SAMD5: variants seen among roughly 807,000 people sequenced by gnomAD.
The protein encoded by SAMD5 is sterile alpha motif domain-containing protein 5.
Under a neutral mutation model 11.3 loss-of-function variants are expected in SAMD5, and 13 were observed. The ratio of observed to expected loss-of-function variants is 1.15; its 90% CI spans 0.75 to 1.83. The LOEUF (loss-of-function observed/expected upper bound fraction) is 1.83. SAMD5 is among the 40% of genes most tolerant of loss of function. SAMD5 has a pLI of 0.00. For synonymous variants in SAMD5, 129 were observed against 111.3 expected, an observed-to-expected ratio of 1.16 and a Z score of -1.00; for missense variants, 255 against 239.1, an observed-to-expected ratio of 1.07 and a Z score of -0.44.
downstream of SAMD5, among the ~76,000 whole-genome samples, chr6:147,739,038 T>G (rs1484882284): frequency 6.6e-6 from 1 of 152,178 alleles, no homozygotes; most frequent in Admixed American, 6.5e-5. Flanking sequence ...GGTGGTTTCA[T>G]CAGTGGTTTC....
chr6:147,644,387 T>C (rs1290452833), intron 1 of SAMD5, among the ~76,000 whole-genome samples: 1 of 152,222 alleles, frequency 6.6e-6, no homozygotes, highest in Non-Finnish European at 1.5e-5. Context: ...TCACATTCTT[T>C]GGAAAATATT....
At chr6:147,629,518 G>C (rs185350217) in intron 1 of SAMD5, among the ~76,000 whole-genome samples, 10 of 152,204 alleles carry the variant, frequency 6.6e-5, no homozygotes, top group Non-Finnish European at 1.3e-4. Flanking sequence ...TTCAGCAACA[G>C]GTATGAGAAA....
At chr6:147,768,637 C>T in the SAMD5 span, among the ~76,000 whole-genome samples, 41 of 152,206 alleles carry the variant, frequency 2.7e-4, no homozygotes, top group East Asian at 7.3e-3. Context: ...AATACTTATA[C>T]CTATTTTATT....
At chr6:147,570,899 C>T (rs1228548168), downstream of SAMD5, among the ~76,000 whole-genome samples, 5 of 152,160 alleles carry the variant, frequency 3.3e-5, no homozygotes, top group South Asian at 2.1e-4. Flanking sequence ...TGGTGGCAGA[C>T]GATTGGCGTT....
At chr6:147,724,363 A>G (rs1791596849) in intron 1 of SAMD5, among the ~76,000 whole-genome samples, 1 of 152,140 alleles carries the variant, frequency 6.6e-6, no homozygotes, top group Non-Finnish European at 1.5e-5. Context: ...ATGGCAGCAA[A>G]TTTTAAGCTT....
the SAMD5 span, among the ~76,000 whole-genome samples, chr6:147,825,061 G>A: frequency 2.6e-5 from 4 of 152,292 alleles, no homozygotes; most frequent in African/African-American, 9.6e-5. Flanking sequence ...TTGGGAGGCC[G>A]AGGTAGGGGG....
chr6:147,704,722 G>C (rs1791301356), intron 1 of SAMD5, among the ~76,000 whole-genome samples: 1 of 152,178 alleles, frequency 6.6e-6, no homozygotes, highest in South Asian at 2.1e-4. Context: ...CTTTCAAAGG[G>C]TAGCTAACAA....
At chr6:147,739,787 T>C (rs1791852925), downstream of SAMD5, among the ~76,000 whole-genome samples, 1 of 152,130 alleles carries the variant, frequency 6.6e-6, no homozygotes, top group Non-Finnish European at 1.5e-5. Flanking sequence ...AAATTATTTA[T>C]ACTTGTTAAT....
downstream of SAMD5, among the ~76,000 whole-genome samples, chr6:147,739,412 T>C (rs7771704): frequency 1.3e-5 from 2 of 152,038 alleles, no homozygotes; most frequent in Admixed American, 6.5e-5. Flanking sequence ...CCGGGCAACA[T>C]AGTGAGACTT....
intron 1 of SAMD5, among the ~76,000 whole-genome samples, chr6:147,622,988 A>T (rs1395388853): frequency 1.3e-5 from 2 of 152,274 alleles, no homozygotes; most frequent in Middle Eastern, 3.4e-3. Context: ...TGGGGGAAAC[A>T]GCCCTCATGA....
chr6:147,632,393 A>T (rs10872601), intron 1 of SAMD5, among the ~76,000 whole-genome samples: 2 of 152,060 alleles, frequency 1.3e-5, no homozygotes, highest in Non-Finnish European at 2.9e-5. Flanking sequence ...CTTTTGCAAG[A>T]GTGAGGGCTC....
the SAMD5 span, among the ~76,000 whole-genome samples, chr6:147,763,305 ATG>A: frequency 8.6e-5 from 13 of 151,000 alleles, no homozygotes; most frequent in African/African-American, 3.2e-4. Flanking sequence ...GACTACAGGC[ATG>A]CGCCACCATG....
chr6:147,917,624 A>T, the SAMD5 span, among the ~76,000 whole-genome samples: 5 of 151,854 alleles, frequency 3.3e-5, no homozygotes, highest in South Asian at 2.1e-4. Context: ...AGACATGAAG[A>T]CCTTGCCCAT....
chr6:147,804,670 G>A, the SAMD5 span, among the ~76,000 whole-genome samples: 1 of 152,050 alleles, frequency 6.6e-6, no homozygotes, highest in Admixed American at 6.6e-5. Context: ...AAATCAAAAA[G>A]CGGAAAAAAA....
At chr6:147,670,868 C>T (rs1345189639) in intron 1 of SAMD5, among the ~76,000 whole-genome samples, 1 of 152,198 alleles carries the variant, frequency 6.6e-6, no homozygotes, top group Non-Finnish European at 1.5e-5. Context: ...TTTACATTTC[C>T]TTTAAAAACT....
At chr6:147,952,376 T>TA in the SAMD5 span, among the ~76,000 whole-genome samples, 3 of 152,232 alleles carry the variant, frequency 2.0e-5, no homozygotes, top group Non-Finnish European at 4.4e-5. Context: ...CGTGATATAT[T>TA]AATGGTGATG....
chr6:147,584,730 A>T lies in SAMD5; in HGVS notation c.162+75343A>T, dbSNP rs535933790. Among the ~76,000 whole-genome samples the T allele has an allele frequency of 2.0e-5, 3 of 152,362 alleles. No individual in the cohort carries two copies. The South Asian group carries it at 6.2e-4, about 32-fold the overall frequency. On this transcript the variant is annotated intron_variant, in intron 1 of 1. Transcript: ENST00000566741. The stretch of plus-strand genomic sequence containing the variant: ...AGTGTAATATGCCTTCTTAGAATAA[A>T]TAAATGAGGGTATGTATTGTCCTTT...
the SAMD5 span, among the ~76,000 whole-genome samples, chr6:147,801,883 C>A: frequency 2.8e-4 from 43 of 152,224 alleles, no homozygotes; most frequent in South Asian, 8.7e-3. Flanking sequence ...GGAACCTTGA[C>A]CCCTATTTCA....
chr6:147,698,560 T>C (rs1791211203), intron 1 of SAMD5, among the ~76,000 whole-genome samples: 1 of 152,182 alleles, frequency 6.6e-6, no homozygotes, highest in South Asian at 2.1e-4. Flanking sequence ...CACACTTCTG[T>C]CATAGCATGA....
Sources: allele counts gnomAD v4.1 joint callset (sites outside exome capture counted in the v4.1 genomes callset), GRCh38; gene constraint gnomAD v4.1.1; transcripts MANE v1.5; gene names NCBI Gene and HGNC (gene_info 2026-07-23, HGNC 2026-07-21).